The following GTF2F2 variants were observed in gnomAD, a reference collection of about 807,000 sequenced individuals.
GTF2F2 encodes general transcription factor IIF subunit 2, also known as ATP-dependent helicase GTF2F2.
Under a neutral mutation model 42.2 loss-of-function variants are expected in GTF2F2, and 23 were observed. That is an observed-to-expected ratio of 0.55 (90% CI 0.39 to 0.77). GTF2F2 has a LOEUF of 0.77. Among genes scored for constraint, GTF2F2 ranks in the 30% least tolerant of loss-of-function variants. The probability of loss-of-function intolerance (pLI) is 0.00; values close to 1 mark genes in which losing one functional copy is unlikely to be tolerated. For synonymous variants in GTF2F2, 105 were observed against 100.8 expected, an observed-to-expected ratio of 1.04 and a Z score of -0.25; for missense variants, 261 against 287.2, an observed-to-expected ratio of 0.91 and a Z score of 0.66.
intron 5 of GTF2F2, among the ~76,000 whole-genome samples, chr13:45,215,285 T>C (rs1873842386): frequency 6.6e-6 from 1 of 152,214 alleles, no homozygotes; most frequent in African/African-American, 2.4e-5. Context: ...GATCATATAA[T>C]TTATCATTGA....
chr13:45,154,741 C>T (rs1870669281), intron 4 of GTF2F2, among the ~76,000 whole-genome samples: 1 of 152,026 alleles, frequency 6.6e-6, no homozygotes, highest in Non-Finnish European at 1.5e-5. Flanking sequence ...ATAATGAATG[C>T]TCAAATATTA....
chr13:45,223,270 A>T (rs1487499673), intron 5 of GTF2F2, among the ~76,000 whole-genome samples: 3 of 125,842 alleles, frequency 2.4e-5, no homozygotes, highest in African/African-American at 1.4e-4. Flanking sequence ...AATAAAAAAA[A>T]AAAAAAAAAA....
At chr13:45,197,584 G>A (rs1019217058) in intron 4 of GTF2F2, among the ~76,000 whole-genome samples, 1 of 151,052 alleles carries the variant, frequency 6.6e-6, no homozygotes, top group African/African-American at 2.4e-5. Flanking sequence ...AGCAAAGCAA[G>A]ATGACTGTAG....
At chr13:45,182,176 A>G (rs187477829) in intron 4 of GTF2F2, among the ~76,000 whole-genome samples, 1 of 152,214 alleles carries the variant, frequency 6.6e-6, no homozygotes, top group East Asian at 1.9e-4. Flanking sequence ...TTGTTGAGAC[A>G]GTCTCGCTCT....
intron 5 of GTF2F2, among the ~76,000 whole-genome samples, chr13:45,215,334 G>A (rs1291174645): frequency 3.3e-5 from 5 of 152,202 alleles, no homozygotes; most frequent in African/African-American, 7.2e-5. Context: ...GGCACTGGAT[G>A]TCTCCATTAA....
chr13:45,278,925 G>C (rs139376240), intron 7 of GTF2F2, among the ~76,000 whole-genome samples: 1 of 138,614 alleles, frequency 7.2e-6, no homozygotes, highest in African/African-American at 2.8e-5. Context: ...CTGGGTTTAA[G>C]TGATTATCCT....
intron 5 of GTF2F2, among the ~76,000 whole-genome samples, chr13:45,236,520 CACACACACAA>C (rs1326410626): frequency 7.5e-6 from 1 of 132,562 alleles, no homozygotes; most frequent in Non-Finnish European, 1.6e-5. Flanking sequence ...CACACACACA[CACACACACAA>C]GTTTATGAGG....
At chr13:45,259,789 C>T (rs1203120427) in intron 6 of GTF2F2, among the ~76,000 whole-genome samples, 1 of 151,270 alleles carries the variant, frequency 6.6e-6, no homozygotes, top group Non-Finnish European at 1.5e-5. Flanking sequence ...TCCCAAGTAG[C>T]TGGGACTACA....
intron 4 of GTF2F2, among the ~76,000 whole-genome samples, chr13:45,160,766 GT>G (rs59676340): frequency 0.051 from 7,154 of 141,466 alleles, 445 homozygotes; most frequent in African/African-American, 0.15. Context: ...CCTGTCAGCT[GT>G]TTTTTTTTTT....
Position 45,128,256 on chromosome 13 carries a change from G to A in GTF2F2, c.66+7535G>A, listed in dbSNP as rs1038705286. On this transcript the variant is annotated intron_variant, in intron 1 of 7. Coordinates refer to ENST00000340473, the MANE Select transcript of GTF2F2 (RefSeq NM_004128.3). ...ATTACAGGTGTGAGCCACTGTGCCC[G>A]GCCTCCCCCCTGGCCTTTTTAAAAA... Among the ~76,000 whole-genome samples, 126 of 147,476 alleles carry A rather than the reference G, an allele frequency of 8.5e-4. 1 individual carries two copies. Among genetic ancestry groups the A allele is most frequent in the Admixed American group, 7.3e-4 (11 of 14,966 alleles).
chr13:45,204,977 A>G (rs1159247398), intron 4 of GTF2F2, among the ~76,000 whole-genome samples: 2 of 152,146 alleles, frequency 1.3e-5, no homozygotes, highest in Non-Finnish European at 2.9e-5. Flanking sequence ...GTTGCTGTGG[A>G]CCTGATTTCT....
At chr13:45,165,938 C>T (rs1328768727) in intron 4 of GTF2F2, among the ~76,000 whole-genome samples, 5 of 151,162 alleles carry the variant, frequency 3.3e-5, no homozygotes, top group South Asian at 2.1e-4. Context: ...CTCAGCCTCC[C>T]GAGTAGCTGG....
intron 7 of GTF2F2, among the ~76,000 whole-genome samples, chr13:45,282,773 G>A (rs1438609694): frequency 6.6e-6 from 1 of 152,152 alleles, no homozygotes; most frequent in East Asian, 1.9e-4. Flanking sequence ...CCAAAGTGTT[G>A]GGATTACAGG....
intron 4 of GTF2F2, among the ~76,000 whole-genome samples, chr13:45,202,735 G>A (rs974622996): frequency 6.6e-6 from 1 of 151,690 alleles, no homozygotes; most frequent in Admixed American, 6.6e-5. Context: ...GGCAGATCAC[G>A]TGAGGTCAGG....
intron 1 of GTF2F2, among the ~76,000 whole-genome samples, chr13:45,122,609 G>C (rs1178543956): frequency 6.6e-6 from 1 of 152,004 alleles, no homozygotes; most frequent in Non-Finnish European, 1.5e-5. Context: ...ACTCCAGCCT[G>C]GGCAACAGAG....
chr13:45,213,597 T>C (rs745929913), intron 5 of GTF2F2, among the ~76,000 whole-genome samples: 13 of 152,208 alleles, frequency 8.5e-5, no homozygotes, highest in Non-Finnish European at 1.3e-4. Flanking sequence ...ATTATAAACT[T>C]CATGAGAGCA....
intron 5 of GTF2F2, among the ~76,000 whole-genome samples, chr13:45,237,883 C>G (rs74068504): frequency 1.3e-5 from 2 of 152,170 alleles, no homozygotes; most frequent in Non-Finnish European, 2.9e-5. Context: ...GCTTTCATCC[C>G]CACTCCTGGG....
At chr13:45,127,684 G>A (rs1055243355) in intron 1 of GTF2F2, among the ~76,000 whole-genome samples, 4 of 151,850 alleles carry the variant, frequency 2.6e-5, no homozygotes, top group East Asian at 3.9e-4. Flanking sequence ...CAGGCTGGGC[G>A]TGCAGTAGCA....
intron 1 of GTF2F2, among the ~76,000 whole-genome samples, chr13:45,132,667 C>CA (rs1437131373): frequency 6.6e-6 from 1 of 152,016 alleles, no homozygotes; most frequent in African/African-American, 2.4e-5. Flanking sequence ...ATTCAGTGCA[C>CA]AAGTGGAGGG....
Sources: gnomAD v4.1 joint callset for allele counts (sites outside exome capture counted in the v4.1 genomes callset) on GRCh38, gnomAD v4.1.1 for gene constraint, MANE v1.5 for transcripts, NCBI Gene and HGNC (gene_info 2026-07-23, HGNC 2026-07-21) for gene names.